ADK: variants seen among roughly 807,000 people sequenced by gnomAD.
The protein encoded by ADK is adenosine kinase.
Under a neutral mutation model 44.7 loss-of-function variants are expected in ADK, and 24 were observed. That is an observed-to-expected ratio of 0.54 (90% CI 0.39 to 0.76). The LOEUF (loss-of-function observed/expected upper bound fraction) is 0.76. ADK is among the 30% of genes least tolerant of loss of function. ADK has a pLI of 0.00. For synonymous variants in ADK, 128 were observed against 142.6 expected (o/e 0.90, Z 0.73); for missense variants, 321 against 425.1 (o/e 0.76, Z 2.15).
At chr10:74,298,859 C>T (rs565187215) in intron 3 of ADK, among the ~76,000 whole-genome samples, 64 of 152,076 alleles carry the variant, frequency 4.2e-4, no homozygotes, top group African/African-American at 4.8e-4. Context: ...TGGGAGGATC[C>T]GTTTGATCCC....
chr10:74,569,707 C>G (rs1850859471), intron 7 of ADK, among the ~76,000 whole-genome samples: 3 of 152,168 alleles, frequency 2.0e-5, no homozygotes, highest in Admixed American at 2.0e-4. Context: ...CAAAAATTTT[C>G]TCCTATTCTG....
chr10:74,223,613 A>G (rs1228672873), intron 2 of ADK, among the ~76,000 whole-genome samples: 1 of 152,112 alleles, frequency 6.6e-6, no homozygotes, highest in Non-Finnish European at 1.5e-5. Context: ...ATTGTTGTTT[A>G]TCTATTTCTG....
intron 7 of ADK, among the ~76,000 whole-genome samples, chr10:74,576,294 A>G (rs1851181941): frequency 1.3e-5 from 2 of 152,142 alleles, no homozygotes; most frequent in South Asian, 4.1e-4. Flanking sequence ...TCATGTATTA[A>G]ATTATCCAGT....
intron 4 of ADK, among the ~76,000 whole-genome samples, chr10:74,385,687 C>T (rs1843117356): frequency 6.6e-6 from 1 of 152,142 alleles, no homozygotes; most frequent in Admixed American, 6.5e-5. Context: ...GTAATAGGCA[C>T]TGCCTTGAAC....
At chr10:74,354,856 G>A (rs1399421109) in intron 4 of ADK, among the ~76,000 whole-genome samples, 1 of 152,274 alleles carries the variant, frequency 6.6e-6, no homozygotes, top group African/African-American at 2.4e-5. Flanking sequence ...TTAAATTTGA[G>A]TTGCTGAATA....
At chr10:74,288,966 A>G (rs1335475955) in intron 3 of ADK, among the ~76,000 whole-genome samples, 2 of 152,222 alleles carry the variant, frequency 1.3e-5, no homozygotes, top group Admixed American at 6.5e-5. Flanking sequence ...GCTGATTTGG[A>G]GAATGAGTGG....
In ADK at chr10:74,274,434, C is replaced by T. The variant is rs533948861; in HGVS notation, c.195-40233C>T. ...AAAATTAGCTCGTGGTGGTGGCAGGCGCCTGTAATTCCAGCTACTCAGGAG... is the reference window on the plus strand; with the variant it reads ...AAAATTAGCTCGTGGTGGTGGCAGGTGCCTGTAATTCCAGCTACTCAGGAG... On this transcript the variant is annotated intron_variant, in intron 3 of 10. Coordinates refer to ENST00000539909, the MANE Select transcript of ADK (RefSeq NM_006721.4). 1.3e-4 allele frequency among the ~76,000 whole-genome samples: 20 copies of T among 151,836 alleles called. No individual in the cohort carries two copies. The South Asian group carries it at 3.3e-3, about 25-fold the overall frequency.
At chr10:74,369,923 A>G (rs1449014888) in intron 4 of ADK, among the ~76,000 whole-genome samples, 3 of 152,206 alleles carry the variant, frequency 2.0e-5, no homozygotes, top group African/African-American at 7.2e-5. Flanking sequence ...TGAATAATTG[A>G]GTTTAGCATG....
chr10:74,581,101 AATG>A (rs1344437037), intron 7 of ADK, among the ~76,000 whole-genome samples: 1 of 152,040 alleles, frequency 6.6e-6, no homozygotes, highest in Non-Finnish European at 1.5e-5. Context: ...TACAACCCAT[AATG>A]AGGAGAAATA....
At chr10:74,460,315 C>A (rs1564734777) in intron 6 of ADK, among the ~76,000 whole-genome samples, 1 of 152,152 alleles carries the variant, frequency 6.6e-6, no homozygotes, top group Non-Finnish European at 1.5e-5. Flanking sequence ...CAGACAAACA[C>A]AAATTATCTT....
chr10:74,643,344 T>C (rs1853941431), intron 9 of ADK, among the ~76,000 whole-genome samples: 1 of 152,248 alleles, frequency 6.6e-6, no homozygotes. Context: ...AGGTTCTAGT[T>C]CTACTTTGGG....
intron 3 of ADK, among the ~76,000 whole-genome samples, chr10:74,284,953 A>G (rs1289989984): frequency 6.6e-6 from 1 of 152,224 alleles, no homozygotes; most frequent in Non-Finnish European, 1.5e-5. Flanking sequence ...TAAAGTGAAT[A>G]TTAGGGTGCT....
intron 7 of ADK, among the ~76,000 whole-genome samples, chr10:74,571,424 C>A (rs1194028919): frequency 2.0e-5 from 3 of 151,992 alleles, no homozygotes; most frequent in African/African-American, 7.2e-5. Flanking sequence ...GTCCTGGACT[C>A]TTTTTGGTTG....
intron 4 of ADK, among the ~76,000 whole-genome samples, chr10:74,323,497 G>A (rs1489444293): frequency 6.6e-6 from 1 of 151,924 alleles, no homozygotes; most frequent in East Asian, 1.9e-4. Context: ...TAATCTTGTG[G>A]CTTTTAGTGT....
intron 7 of ADK, among the ~76,000 whole-genome samples, chr10:74,531,926 A>G (rs1196610504): frequency 6.6e-6 from 1 of 152,182 alleles, no homozygotes; most frequent in Non-Finnish European, 1.5e-5. Flanking sequence ...TACCTATCTT[A>G]TTTCATGAGG....
chr10:74,406,820 A>G (rs1401476943), intron 6 of ADK, among the ~76,000 whole-genome samples: 1 of 151,746 alleles, frequency 6.6e-6, no homozygotes, highest in Non-Finnish European at 1.5e-5. Flanking sequence ...AGCTGGGACT[A>G]CAGGCACGCC....
At chr10:74,410,448 T>C (rs1844130346) in intron 6 of ADK, among the ~76,000 whole-genome samples, 1 of 152,048 alleles carries the variant, frequency 6.6e-6, no homozygotes, top group South Asian at 2.1e-4. Context: ...CTGAAGTGGG[T>C]GGATCACCTA....
chr10:74,615,270 CT>C (rs1302379659), intron 9 of ADK, among the ~76,000 whole-genome samples: 3 of 152,128 alleles, frequency 2.0e-5, no homozygotes, highest in African/African-American at 7.2e-5. Flanking sequence ...ATTTCATCCA[CT>C]CATTATGGTT....
intron 9 of ADK, among the ~76,000 whole-genome samples, chr10:74,635,286 A>T (rs2134078657): frequency 6.6e-6 from 1 of 152,370 alleles, no homozygotes; most frequent in East Asian, 1.9e-4. Context: ...ACAACTACAG[A>T]TTCCTTACAG....
Sources: allele counts gnomAD v4.1 joint callset (sites outside exome capture counted in the v4.1 genomes callset), GRCh38; gene constraint gnomAD v4.1.1; transcripts MANE v1.5; gene names NCBI Gene and HGNC (gene_info 2026-07-23, HGNC 2026-07-21).